INO80: variants seen among roughly 807,000 people sequenced by gnomAD.
INO80 encodes the protein chromatin-remodeling ATPase INO80.
Under a neutral mutation model 203.4 loss-of-function variants are expected in INO80, and 20 were observed. That is an observed-to-expected ratio of 0.10 (90% confidence interval 0.07 to 0.14). The LOEUF (loss-of-function observed/expected upper bound fraction) is 0.14. Ranked by LOEUF, INO80 falls within the 10% of genes least tolerant of loss-of-function variation. INO80 has a pLI of 1.00. For synonymous variants in INO80, 726 were observed against 685.2 expected, an observed-to-expected ratio of 1.06 and a Z score of -0.93; for missense variants, 1,419 against 1,914.4, an observed-to-expected ratio of 0.74 and a Z score of 4.83.
chr15:40,997,372 G>C lies in INO80; in HGVS notation c.3570+157C>G, dbSNP rs1691712900. On this transcript the variant is annotated intron_variant, in intron 29 of 35. Coordinates refer to ENST00000648947, the MANE Select transcript of INO80 (RefSeq NM_017553.3). ...TCTAGTTCCAGTCAAAGAGCAACTA[G>C]AGTCTTTTAACACAAGAGGCAAAGA... Among the ~76,000 whole-genome samples, 3 of 152,196 alleles carry C rather than the reference G, an allele frequency of 2.0e-5. No homozygotes were observed. The South Asian group carries it at 6.2e-4, about 31-fold the overall frequency.
chr15:41,028,038 T>C (rs888354103), intron 24 of INO80: 11 of 204,834 alleles, frequency 5.4e-5, no homozygotes, highest in Non-Finnish European at 9.9e-5. Flanking sequence ...ACAAATCACT[T>C]GTATGGGAAT....
chr15:41,037,556 C>A (rs1028515496), intron 24 of INO80, among the ~76,000 whole-genome samples: 1 of 152,096 alleles, frequency 6.6e-6, no homozygotes, highest in Non-Finnish European at 1.5e-5. Flanking sequence ...GTTAGTTGTT[C>A]TGGACATTTT....
At chr15:41,007,717 G>A (rs2044069136) in intron 27 of INO80, among the ~76,000 whole-genome samples, 1 of 148,790 alleles carries the variant, frequency 6.7e-6, no homozygotes, top group African/African-American at 2.5e-5. Flanking sequence ...GACGAGCAGT[G>A]GGACTTCAGG....
intron 26 of INO80, among the ~76,000 whole-genome samples, chr15:41,019,773 C>CT (rs1183743596): frequency 6.6e-6 from 1 of 152,212 alleles, no homozygotes; most frequent in Non-Finnish European, 1.5e-5. Flanking sequence ...TCTCAAAGCA[C>CT]TAACAGGCTG....
At chr15:40,985,627 T>G (rs916020037) in intron 31 of INO80, among the ~76,000 whole-genome samples, 3 of 152,168 alleles carry the variant, frequency 2.0e-5, no homozygotes, top group African/African-American at 7.2e-5. Flanking sequence ...CATTATGGGC[T>G]GGCTCGGTGT....
chr15:41,094,154 G>C (rs138413926), intron 4 of INO80, among the ~76,000 whole-genome samples: 4 of 152,292 alleles, frequency 2.6e-5, no homozygotes, highest in Non-Finnish European at 5.9e-5. Flanking sequence ...TCTTGTAAGA[G>C]TGTAAATGAG....
intron 27 of INO80, among the ~76,000 whole-genome samples, chr15:41,008,691 T>C (rs2044087736): frequency 6.6e-6 from 1 of 152,138 alleles, no homozygotes; most frequent in African/African-American, 2.4e-5. Context: ...GAGCAACCAC[T>C]AGAAAGGGAA....
chr15:41,076,384 C>T (rs931441270), intron 9 of INO80, among the ~76,000 whole-genome samples: 1 of 151,294 alleles, frequency 6.6e-6, no homozygotes, highest in Non-Finnish European at 1.5e-5. Flanking sequence ...CAAAACAAAA[C>T]CCAACAACCT....
At chr15:41,102,060 A>G (rs753682301) in intron 1 of INO80, among the ~76,000 whole-genome samples, 11 of 152,032 alleles carry the variant, frequency 7.2e-5, no homozygotes, top group Non-Finnish European at 1.3e-4. Context: ...GCTTGGTGGC[A>G]CGCACCTGTA....
In INO80 at chr15:41,079,828, C is replaced by G. The variant is rs771493839; in HGVS notation, c.1004G>C (p.Arg335Pro). The change falls in exon 9 of 36, where the codon CGT becomes CCT. Residue 335 changes from arginine (R) to proline (P), a missense_variant. By Grantham distance (103) the Arg-to-Pro change is moderately radical. Transcript: ENST00000648947. ...AQKNCKETLP[R>P]ARRLTKEMLL... is the part of the protein sequence containing the mutation. The stretch of plus-strand genomic sequence containing the variant: ...CATCTCCTTGGTGAGGCGGCGGGCA[C>G]GAGGCAAGGTTTCCTTACAGTTCTT... 6.2e-7 allele frequency: 1 copy of G among 1,614,094 alleles called. No individual in the cohort carries two copies. The highest frequency in any genetic ancestry group is 8.5e-7 in the Non-Finnish European group (1 of 1,180,004).
At chr15:41,041,938 G>C (rs1173676501) in intron 24 of INO80, among the ~76,000 whole-genome samples, 1 of 150,198 alleles carries the variant, frequency 6.7e-6, no homozygotes, top group African/African-American at 2.5e-5. Context: ...GGGTTCAAGG[G>C]ATTCTCCTGC....
At chr15:41,009,877 G>A (rs1465626980) in intron 27 of INO80, among the ~76,000 whole-genome samples, 1 of 152,110 alleles carries the variant, frequency 6.6e-6, no homozygotes, top group Non-Finnish European at 1.5e-5. Flanking sequence ...TAGGATTACA[G>A]GTGTAAGCCA....
chr15:41,017,719 C>A (rs969961463), intron 26 of INO80: 1 of 152,342 alleles, frequency 6.6e-6, no homozygotes, highest in Admixed American at 6.5e-5. Flanking sequence ...CCTGCCATTT[C>A]CCACCTTCAG....
At chr15:40,987,336 C>T in intron 30 of INO80, 143 bp from the exon 31 acceptor site, 1 of 572,424 alleles carries the variant, frequency 1.7e-6, no homozygotes, top group Non-Finnish European at 3.1e-6. Context: ...CTTTTCATTT[C>T]AGTTCATCTG....
chr15:41,027,280 G>A (rs888885117), intron 25 of INO80, among the ~76,000 whole-genome samples: 11 of 152,042 alleles, frequency 7.2e-5, no homozygotes, highest in Non-Finnish European at 1.5e-4. Flanking sequence ...TGGTTCCCTC[G>A]CCCCGACCCT....
At chr15:41,104,761 A>C (rs75687825) in intron 1 of INO80, among the ~76,000 whole-genome samples, 1 of 152,076 alleles carries the variant, frequency 6.6e-6, no homozygotes, top group Non-Finnish European at 1.5e-5. Context: ...GCTGGTCTCA[A>C]ACTCCTGACC....
Position 41,104,206 on chromosome 15 carries a change from CAAAAAAAAAA to C in INO80, c.-43-7863_-43-7854del, listed in dbSNP as rs35510472. ...GGGCAATGAGAGCAAAACTCCATCT[CAAAAAAAAAA>C]AAAAAAAAAAAAAAAGTAATAAAAT... On this transcript the variant is annotated intron_variant, in intron 1 of 35. Transcript: ENST00000648947. Among the ~76,000 whole-genome samples, 39 of 41,524 alleles carry C rather than the reference CAAAAAAAAAA, an allele frequency of 9.4e-4. No homozygotes were observed. In the South Asian group the frequency reaches 0.027, roughly 29 times the overall value. 27.2% of individuals were successfully genotyped at this position (41,524 alleles called of 152,430 possible). A position where few individuals can be genotyped will look rare whatever the true frequency, so the allele number is the denominator to read the frequency against.
chr15:41,074,198 G>C (rs2045366354), intron 10 of INO80, among the ~76,000 whole-genome samples, 172 bp downstream of exon 10: 2 of 151,762 alleles, frequency 1.3e-5, no homozygotes, highest in Admixed American at 6.6e-5. Context: ...TTTAATAAAT[G>C]GTCTTATACT....
intron 7 of INO80, among the ~76,000 whole-genome samples, chr15:41,084,087 T>A (rs1396752626): frequency 1.3e-5 from 2 of 152,090 alleles, no homozygotes; most frequent in Non-Finnish European, 2.9e-5. Flanking sequence ...TGAAATATCC[T>A]GTTCCTATCA....
Sources: gnomAD v4.1 joint callset for allele counts (sites outside exome capture counted in the v4.1 genomes callset) on GRCh38, gnomAD v4.1.1 for gene constraint, MANE v1.5 for transcripts, NCBI Gene and HGNC (gene_info 2026-07-23, HGNC 2026-07-21) for gene names.